LY96: variants seen among roughly 807,000 people sequenced by gnomAD.
The protein encoded by LY96 is lymphocyte antigen 96.
A neutral mutation model predicts 18.9 loss-of-function variants in LY96; 18 were observed. The ratio of observed to expected loss-of-function variants is 0.95; its 90% CI spans 0.66 to 1.41. The LOEUF (loss-of-function observed/expected upper bound fraction) is 1.41. LY96 is among the 40% of genes most tolerant of loss of function. The pLI is 0.00. For missense variants in LY96, 175 were observed against 182.4 expected, an observed-to-expected ratio of 0.96 and a Z score of 0.23; for synonymous variants, 66 against 62.6, an observed-to-expected ratio of 1.06 and a Z score of -0.26.
At chr8:74,081,061 TTTCTTA>T in the LY96 span, among the ~76,000 whole-genome samples, 53 of 128,210 alleles carry the variant, frequency 4.1e-4, 2 homozygotes, top group African/African-American at 1.6e-3. Flanking sequence ...TCTTTCTTTC[TTTCTTA>T]CTTTCTTTCT....
the LY96 span, among the ~76,000 whole-genome samples, chr8:74,095,115 C>G: frequency 6.6e-6 from 1 of 152,192 alleles, no homozygotes; most frequent in Admixed American, 6.5e-5. Context: ...CCACAAATCT[C>G]AAATTAAAGA....
At chr8:74,082,925 A>G in the LY96 span, among the ~76,000 whole-genome samples, 1 of 152,080 alleles carries the variant, frequency 6.6e-6, no homozygotes, top group Non-Finnish European at 1.5e-5. Context: ...TACTTTTCAA[A>G]TGAGGGATTT....
At chr8:74,081,348 C>G in the LY96 span, among the ~76,000 whole-genome samples, 1 of 151,268 alleles carries the variant, frequency 6.6e-6, no homozygotes, top group African/African-American at 2.4e-5. Flanking sequence ...CTTGACCTCC[C>G]TTGCTCAAGT....
chr8:74,054,620 C>CTT, the LY96 span, among the ~76,000 whole-genome samples: 1 of 70,560 alleles, frequency 1.4e-5, no homozygotes, highest in Non-Finnish European at 2.6e-5. Context: ...CCTTTTCCTT[C>CTT]TTTCTTTCTT....
At chr8:74,067,319 C>A in the LY96 span, among the ~76,000 whole-genome samples, 3 of 152,154 alleles carry the variant, frequency 2.0e-5, no homozygotes, top group Non-Finnish European at 4.4e-5. Flanking sequence ...GTAGCCTCAA[C>A]CTCCTGGGCT....
chr8:73,999,490 A>T lies in LY96; in HGVS notation c.113-5306A>T, dbSNP rs184492149. 1.9e-3 allele frequency among the ~76,000 whole-genome samples: 286 copies of T among 150,750 alleles called. 3 individuals carry two copies. The highest frequency in any genetic ancestry group is 6.5e-3 in the African/African-American group (265 of 40,990). ...GCCCAGGCGGGTCTTGAATTCCTGG[A>T]CTCAAGCGATTCTGCTGTCTTGGCC... On this transcript the variant is annotated intron_variant, in intron 1 of 4. Transcript: ENST00000284818.
chr8:73,999,468 C>T (rs940985124), intron 1 of LY96, among the ~76,000 whole-genome samples: 3 of 152,068 alleles, frequency 2.0e-5, no homozygotes, highest in Non-Finnish European at 2.9e-5. Context: ...CCATGTTGCC[C>T]AGGCGGGTCT....
chr8:74,059,392 G>C, the LY96 span, among the ~76,000 whole-genome samples: 1 of 152,152 alleles, frequency 6.6e-6, no homozygotes, highest in Non-Finnish European at 1.5e-5. Flanking sequence ...AGAACTTCTA[G>C]CCAAGACATT....
chr8:74,052,496 A>C, the LY96 span: 3 of 152,236 alleles, frequency 2.0e-5, no homozygotes, highest in Admixed American at 2.0e-4. Context: ...AGGAAGAGAA[A>C]AATACTAGAT....
intron 2 of LY96, among the ~76,000 whole-genome samples, chr8:74,006,145 G>T (rs891097175): frequency 4.6e-5 from 7 of 152,154 alleles, no homozygotes; most frequent in East Asian, 1.9e-4. Flanking sequence ...TTAGTAAATT[G>T]TAAGTATCAT....
chr8:74,071,318 GT>G, the LY96 span, among the ~76,000 whole-genome samples: 12,867 of 150,724 alleles, frequency 0.085, 951 homozygotes, highest in African/African-American at 0.21. Flanking sequence ...ACAGAAAAAT[GT>G]TTTTTTTGTA....
chr8:74,027,628 G>A (rs1034914017), intron 4 of LY96, among the ~76,000 whole-genome samples: 1 of 152,192 alleles, frequency 6.6e-6, no homozygotes, highest in Non-Finnish European at 1.5e-5. Context: ...ATGAACTGGG[G>A]AGGAAGAGAG....
intron 1 of LY96, among the ~76,000 whole-genome samples, chr8:74,001,937 ACCTTCCTTCCTTCCTT>A (rs568575292): frequency 2.8e-4 from 18 of 63,450 alleles, no homozygotes; most frequent in South Asian, 1.5e-3. Context: ...TTTTCAACCA[ACCTTCCTTCCTTCCTT>A]CCTTCCTTCC....
At chr8:74,052,871 A>C in the LY96 span, among the ~76,000 whole-genome samples, 1 of 152,226 alleles carries the variant, frequency 6.6e-6, no homozygotes, top group African/African-American at 2.4e-5. Context: ...ACACACGCAG[A>C]GTTTACATTT....
chr8:74,068,077 A>ATATATATAT, the LY96 span, among the ~76,000 whole-genome samples: 10 of 98,486 alleles, frequency 1.0e-4, no homozygotes, highest in African/African-American at 6.2e-4. Flanking sequence ...AAAAAAAAAA[A>ATATATATAT]AAAAAAAAAA....
At chr8:74,027,744 CTA>C (rs1816900026) in intron 4 of LY96, among the ~76,000 whole-genome samples, 1 of 152,154 alleles carries the variant, frequency 6.6e-6, no homozygotes, top group African/African-American at 2.4e-5. Context: ...AGGTATATGT[CTA>C]TGTGTAAGTG....
chr8:74,032,536 G>A (rs1816987498), downstream of LY96, among the ~76,000 whole-genome samples: 1 of 152,076 alleles, frequency 6.6e-6, no homozygotes, highest in South Asian at 2.1e-4. Context: ...ACCCTCTTAC[G>A]CGGACCCCCT....
At chr8:74,076,679 A>G in the LY96 span, among the ~76,000 whole-genome samples, 1 of 152,032 alleles carries the variant, frequency 6.6e-6, no homozygotes, top group Non-Finnish European at 1.5e-5. Context: ...GTATCCAATG[A>G]TAGTAGGGGA....
intron 1 of LY96, among the ~76,000 whole-genome samples, chr8:73,999,551 C>T (rs544611170): frequency 1.3e-5 from 2 of 152,284 alleles, no homozygotes; most frequent in South Asian, 4.1e-4. Flanking sequence ...TGAGCCACTG[C>T]ACCAGGCCTG....
Sources: gnomAD v4.1 joint callset for allele counts (sites outside exome capture counted in the v4.1 genomes callset) on GRCh38, gnomAD v4.1.1 for gene constraint, MANE v1.5 for transcripts, NCBI Gene and HGNC (gene_info 2026-07-23, HGNC 2026-07-21) for gene names.